ZNF462: variants seen among roughly 807,000 people sequenced by gnomAD.
The protein encoded by ZNF462 is zinc finger protein 462.
In ZNF462, 10 loss-of-function variants were observed where a neutral mutation model predicts 201.9. The ratio of observed to expected loss-of-function variants is 0.05; its 90% CI spans 0.03 to 0.08. The LOEUF (loss-of-function observed/expected upper bound fraction) is 0.08, where lower values mean the gene tolerates loss of function less well. Ranked by LOEUF, ZNF462 falls within the 10% of genes least tolerant of loss-of-function variation. ZNF462 has a pLI of 1.00. For missense variants in ZNF462, 2,523 were observed against 3,168.3 expected (o/e 0.80, Z 4.89); for synonymous variants, 1,227 against 1,193.3 (o/e 1.03, Z -0.58).
chr9:107,002,834 G>T (rs1394248977), intron 10 of ZNF462, among the ~76,000 whole-genome samples: 1 of 152,176 alleles, frequency 6.6e-6, no homozygotes, highest in African/African-American at 2.4e-5. Flanking sequence ...CTGGTTGATG[G>T]GATCGTGGCA....
chr9:106,924,856 C>G lies in ZNF462; in HGVS notation c.944C>G (p.Thr315Ser), dbSNP rs754382420. ...MNAASREIPN[T>S]TVSNFRGSMG... is the part of the protein sequence containing the mutation. Reference sequence around the variant, plus strand: ...GCTGCAAGCCGGGAGATACCCAATACTACCGTCTCCAACTTCAGGGGCTCC... The same window carrying G: ...GCTGCAAGCCGGGAGATACCCAATAGTACCGTCTCCAACTTCAGGGGCTCC... Residue 315 changes from threonine (T) to serine (S), a missense_variant, in exon 3 of 13, where the codon ACT (threonine) becomes AGT (serine). Physicochemically the swap from Thr to Ser is moderately conservative, Grantham distance 58. Coordinates refer to ENST00000277225, the MANE Select transcript of ZNF462 (RefSeq NM_021224.6). The surrounding 1 kb of genome is among the most constrained non-coding windows in gnomAD (Gnocchi z 6.2). 20 of 1,614,100 alleles carry G rather than the reference C, an allele frequency of 1.2e-5. No homozygotes were observed. The highest frequency in any genetic ancestry group is 1.7e-5 in the Non-Finnish European group (20 of 1,180,040).
intron 7 of ZNF462, among the ~76,000 whole-genome samples, chr9:106,948,577 C>T (rs1385721350): frequency 1.3e-5 from 2 of 151,992 alleles, no homozygotes; most frequent in East Asian, 1.9e-4. Flanking sequence ...TCTCCCTACC[C>T]AGAATAATCT....
At chr9:106,869,113 C>T (rs115773224) in intron 1 of ZNF462, among the ~76,000 whole-genome samples, 86 of 152,308 alleles carry the variant, frequency 5.6e-4, no homozygotes, top group African/African-American at 2.0e-3. Flanking sequence ...TCTATTGCAA[C>T]TTACAATAGT....
chr9:106,908,393 T>C (rs1034125171), intron 1 of ZNF462, among the ~76,000 whole-genome samples: 1 of 152,180 alleles, frequency 6.6e-6, no homozygotes, highest in African/African-American at 2.4e-5. Context: ...ATTGTACTTT[T>C]ACATTATTAA....
chr9:106,966,841 G>A lies in ZNF462; in HGVS notation c.6428-5164G>A, dbSNP rs557297766. ...TTGATTCACACTGACCAACAAGCCTGTCTTCCAAGTCTGCACAAAAATCTA... is the reference window on the plus strand; with the variant it reads ...TTGATTCACACTGACCAACAAGCCTATCTTCCAAGTCTGCACAAAAATCTA... On this transcript the variant is annotated intron_variant, in intron 7 of 12. Coordinates refer to ENST00000277225, the MANE Select transcript of ZNF462 (RefSeq NM_021224.6). This position sits in a 1 kb window ranked among gnomAD's most constrained non-coding sequence, Gnocchi z 4.4. Among the ~76,000 whole-genome samples, 19 of 152,176 alleles carry A rather than the reference G, an allele frequency of 1.2e-4. No individual in the cohort carries two copies. The highest frequency in any genetic ancestry group is 2.9e-4 in the African/African-American group (12 of 41,530).
rs1400725116 is a variant in ZNF462 at position 106,974,371 on chromosome 9, C to T, written c.6832+98C>T. 1.9e-6 allele frequency: 3 copies of T among 1,557,456 alleles called. No individual in the cohort carries two copies. The highest frequency in any genetic ancestry group is 2.2e-5 in the South Asian group (2 of 89,522). Reference sequence around the variant, plus strand: ...TCTCAGAGTGGCAGTAGCACCTGTGCCTTGTTCCTCACCTTATCTTCAGGC... The same window carrying T: ...TCTCAGAGTGGCAGTAGCACCTGTGTCTTGTTCCTCACCTTATCTTCAGGC... On this transcript the variant is annotated intron_variant, in intron 9 of 12. Transcript: ENST00000277225. The surrounding 1 kb of genome is among the most constrained non-coding windows in gnomAD (Gnocchi z 4.0).
At position 106,927,004 on chromosome 9, in the gene ZNF462, A is replaced by G; in HGVS notation, c.3092A>G (p.Asp1031Gly). Residue 1031 changes from aspartate to glycine, a missense_variant, in exon 3 of 13, where the codon GAT becomes GGT. This residue lies in a region of ZNF462 where 280 missense variants were observed against 321.3 expected (regional missense o/e 0.87). Transcript: ENST00000277225. ...DPLVNTVVVY[D>G]CDVCSFASPN... ...TTGGTCAACACTGTTGTTGTTTATG[A>G]TTGTGATGTTTGTTCGTTTGCAAGC... The G allele has an allele frequency of 6.2e-7, 1 of 1,614,136 alleles. No individual in the cohort carries two copies. Among genetic ancestry groups the G allele is most frequent in the Non-Finnish European group, 8.5e-7 (1 of 1,180,026 alleles).
chr9:107,004,747 C>T (rs1166470639), intron 11 of ZNF462, among the ~76,000 whole-genome samples: 1 of 152,120 alleles, frequency 6.6e-6, no homozygotes, highest in Non-Finnish European at 1.5e-5. Context: ...AATCTACTCT[C>T]TTAGCAATTG....
At position 106,972,412 on chromosome 9, in the gene ZNF462, C is replaced by T; in HGVS notation, c.6695+140C>T. 1 of 1,231,052 alleles carries T rather than the reference C, an allele frequency of 8.1e-7. No individual in the cohort carries two copies. The highest frequency in any genetic ancestry group is 2.6e-5 in the Admixed American group (1 of 38,136). 76.3% of individuals were successfully genotyped at this position (1,231,052 alleles called of 1,614,324 possible). ...TGATGATGTAGGGGTTGGGTCCAGG[C>T]TTCATGGAAGGAGGGTAGTTTCAGA... On this transcript the variant is annotated intron_variant, in intron 8 of 12. Coordinates refer to ENST00000277225, the MANE Select transcript of ZNF462 (RefSeq NM_021224.6). This position sits in a 1 kb window ranked among gnomAD's most constrained non-coding sequence, Gnocchi z 4.8.
intron 1 of ZNF462, among the ~76,000 whole-genome samples, chr9:106,909,884 T>C (rs745630254): frequency 3.3e-5 from 5 of 152,256 alleles, no homozygotes; most frequent in Non-Finnish European, 7.3e-5. Context: ...TTATTTCAAC[T>C]AAGTATTTTC....
In ZNF462 at chr9:106,928,754, G is replaced by A. The variant is rs756912402; in HGVS notation, c.4842G>A (p.Lys1614=). ...ATGTCTTTTCCCAGTCGCCCCCGAA[G>A]CTGCCAGTCCCCCTCGAGCCCGAGA... ...EFDVFSQSPP[K]LPVPLEPEMT... is the part of the protein sequence containing the mutation. Residue 1614 remains lysine, a synonymous_variant, in exon 3 of 13, where the codon AAG becomes AAA. Coordinates refer to ENST00000277225, the MANE Select transcript of ZNF462 (RefSeq NM_021224.6). The surrounding 1 kb of genome is among the most constrained non-coding windows in gnomAD (Gnocchi z 9.3). 1.9e-6 allele frequency: 3 copies of A among 1,614,120 alleles called. No individual in the cohort carries two copies. The South Asian group carries it at 3.3e-5, about 18-fold the overall frequency.
chr9:106,946,117 G>A (rs960363799), intron 7 of ZNF462, among the ~76,000 whole-genome samples: 1 of 152,162 alleles, frequency 6.6e-6, no homozygotes, highest in Non-Finnish European at 1.5e-5. Flanking sequence ...TTGTTCATCA[G>A]AAATGTAACC....
intron 7 of ZNF462, among the ~76,000 whole-genome samples, chr9:106,956,108 C>G (rs536244369): frequency 1.3e-5 from 2 of 152,178 alleles, no homozygotes; most frequent in Admixed American, 1.3e-4. Context: ...TTTTACTTTG[C>G]CTAAGTCAGA....
rs1827856883 is a variant in ZNF462 at position 106,876,929 on chromosome 9, C to G, written c.-31+13574C>G. ...GCCAGTTTGAGGACTGCCCCATAGC[C>G]TGGCTTAGAAATGCTTTGGTTTTCT... On this transcript the variant is annotated intron_variant, in intron 1 of 12. Coordinates refer to ENST00000277225, the MANE Select transcript of ZNF462 (RefSeq NM_021224.6). The surrounding 1 kb of genome is among the most constrained non-coding windows in gnomAD (Gnocchi z 4.9). 6.6e-6 allele frequency among the ~76,000 whole-genome samples: 1 copy of G among 152,174 alleles called. No individual in the cohort carries two copies. The highest frequency in any genetic ancestry group is 6.5e-5 in the Admixed American group (1 of 15,278).
rs1406854824 is a variant in ZNF462, at chr9:106,913,924, T to C, written c.-30-9430T>C. 6.6e-6 allele frequency among the ~76,000 whole-genome samples: 1 copy of C among 150,388 alleles called. No homozygotes were observed. The highest frequency in any genetic ancestry group is 1.5e-5 in the Non-Finnish European group (1 of 67,384). ...GCTGACTTGACCATTTTTAATGACA[T>C]TTGCCCCTTACTCACAAAACTCACA... is the stretch of plus-strand genomic sequence containing the variant. On this transcript the variant is annotated intron_variant, in intron 1 of 12. Coordinates refer to ENST00000277225, the MANE Select transcript of ZNF462 (RefSeq NM_021224.6). The surrounding 1 kb of genome is among the most constrained non-coding windows in gnomAD (Gnocchi z 4.1).
intron 7 of ZNF462, among the ~76,000 whole-genome samples, chr9:106,965,830 G>A (rs943938530): frequency 3.3e-5 from 5 of 152,028 alleles, no homozygotes; most frequent in Admixed American, 1.3e-4. Flanking sequence ...GATCACTGTC[G>A]CATACATGAA....
intron 7 of ZNF462, among the ~76,000 whole-genome samples, chr9:106,941,377 ATTC>A (rs1273330362): frequency 2.0e-5 from 3 of 152,204 alleles, no homozygotes; most frequent in Non-Finnish European, 4.4e-5. Flanking sequence ...GTGATTTCAG[ATTC>A]TTGGAGGATG....
rs183951562 is a variant in ZNF462 at position 106,927,664 on chromosome 9, C to A, written c.3752C>A (p.Ser1251Tyr). The A allele has an allele frequency of 6.2e-7, 1 of 1,614,062 alleles. No homozygotes were observed. The highest frequency in any genetic ancestry group is 8.5e-7 in the Non-Finnish European group (1 of 1,180,032). ...AAGCCTGCCAGCTGCGTGCTTGTCT[C>A]CCCCTCTAATCTGGAGCGGGACAAA... ...QKKPASCVLVSPSNLERDKTK... is the reference protein window; with the variant it reads ...QKKPASCVLVYPSNLERDKTK... Residue 1251 changes from serine (S) to tyrosine (Y), a missense_variant, in exon 3 of 13, where the codon TCC (serine) becomes TAC (tyrosine). By Grantham distance (144) the Ser-to-Tyr change is moderately radical (BLOSUM62 -2). Coordinates refer to ENST00000277225, the MANE Select transcript of ZNF462 (RefSeq NM_021224.6).
At chr9:106,921,216 G>T in intron 1 of ZNF462, among the ~76,000 whole-genome samples, 1 of 152,270 alleles carries the variant, frequency 6.6e-6, no homozygotes, top group Middle Eastern at 3.4e-3. Flanking sequence ...ACAGGATCTG[G>T]CCCAGGGTCA....
Sources: allele counts gnomAD v4.1 joint callset (sites outside exome capture counted in the v4.1 genomes callset), GRCh38; gene constraint gnomAD v4.1.1; regional missense constraint gnomAD v4.1.1; non-coding constraint Gnocchi (gnomAD v3.1); transcripts MANE v1.5; gene names NCBI Gene and HGNC (gene_info 2026-07-23, HGNC 2026-07-21).